The following PYHIN1 variants were observed in gnomAD, a reference collection of about 807,000 sequenced individuals.
The protein encoded by PYHIN1 is pyrin and HIN domain-containing protein 1.
Under a neutral mutation model 43.7 loss-of-function variants are expected in PYHIN1, and 32 were observed. The observed-to-expected ratio is 0.73, with a 90% CI of 0.55 to 0.98. The LOEUF (loss-of-function observed/expected upper bound fraction) is 0.98, where lower values mean the gene tolerates loss of function less well. PYHIN1 is among the 50% of genes least tolerant of loss of function. PYHIN1 has a pLI of 0.00. For synonymous variants in PYHIN1, 205 were observed against 203.1 expected (o/e 1.01, Z -0.08); for missense variants, 588 against 589.5 (o/e 1.00, Z 0.03).
rs775137778 is a variant in PYHIN1, at chr1:158,939,232, C to G, written c.564C>G (p.Asn188Lys). 6.2e-7 allele frequency: 1 copy of G among 1,602,636 alleles called. No homozygotes were observed. The highest frequency in any genetic ancestry group is 1.1e-5 in the South Asian group (1 of 88,754). ...PPQTSSSAPP[N>K]TSSTESLKPL... is the part of the protein sequence containing the mutation. ...AGACCTCATCATCAGCTCCACCCAACACTTCCTCAACTGAGGTACACTCTT... is the reference window on the plus strand; with the variant it reads ...AGACCTCATCATCAGCTCCACCCAAGACTTCCTCAACTGAGGTACACTCTT... The change falls in exon 4 of 9, where the codon AAC becomes AAG. Residue 188 changes from asparagine (N) to lysine (K), a missense_variant. Asn to Lys is a moderately conservative substitution (Grantham distance 94). Coordinates refer to ENST00000368140, the MANE Select transcript of PYHIN1 (RefSeq NM_152501.5).
chr1:158,983,876 T>G, the PYHIN1 span, among the ~76,000 whole-genome samples: 3 of 152,118 alleles, frequency 2.0e-5, no homozygotes, highest in Non-Finnish European at 2.9e-5. Context: ...GCAGGTTGTA[T>G]GTTTTCAGGA....
At chr1:158,971,321 A>T (rs901385716) in intron 7 of PYHIN1, among the ~76,000 whole-genome samples, 1 of 151,984 alleles carries the variant, frequency 6.6e-6, no homozygotes, top group Non-Finnish European at 1.5e-5. Flanking sequence ...CTTAGTAAAG[A>T]GAGTGATTTG....
At chr1:158,965,768 C>T (rs934039593) in intron 7 of PYHIN1, among the ~76,000 whole-genome samples, 8 of 151,928 alleles carry the variant, frequency 5.3e-5, no homozygotes, top group African/African-American at 1.4e-4. Context: ...TAGCACTAAG[C>T]GCTCACATCA....
At position 158,933,485 on chromosome 1, in the gene PYHIN1, T is replaced by C. The variant is rs954633252; in HGVS notation, c.-21+1709T>C. ...TAGCATAGATAAGCTGGCTTTCTTC[T>C]AGTTTCTCCTTGCATGATAATTTAA... On this transcript the variant is annotated intron_variant, in intron 1 of 8. Coordinates refer to ENST00000368140, the MANE Select transcript of PYHIN1 (RefSeq NM_152501.5). The surrounding 1 kb of genome is among the most constrained non-coding windows in gnomAD (Gnocchi z 6.3). Among the ~76,000 whole-genome samples the C allele has an allele frequency of 3.3e-5, 5 of 152,070 alleles. No homozygotes were observed. Among genetic ancestry groups the C allele is most frequent in the Non-Finnish European group, 1.5e-5 (1 of 67,926 alleles).
Position 158,973,549 on chromosome 1 carries a change from G to A in PYHIN1, c.1360-98G>A, listed in dbSNP as rs149397426. On this transcript the variant is annotated intron_variant, in intron 7 of 8. Transcript: ENST00000368140. ...CACACACACACACATATACACACAT[G>A]TATTACATCCAACTTATATAGGAAA... The A allele has an allele frequency of 2.6e-3, 3,047 of 1,158,672 alleles. 51 individuals are homozygous for A. In the African/African-American group the frequency reaches 0.038, roughly 14 times the overall value. The allele number at this position is 1,158,672 out of a possible 1,614,324, so 71.8% of individuals were successfully genotyped here. A position where few individuals can be genotyped will look rare whatever the true frequency, so the allele number is the denominator to read the frequency against.
chr1:158,935,862 C>G (rs1165626978), intron 1 of PYHIN1, among the ~76,000 whole-genome samples: 1 of 152,114 alleles, frequency 6.6e-6, no homozygotes, highest in Admixed American at 6.5e-5. Flanking sequence ...CACTCCACAG[C>G]CCATACTCTA....
At chr1:158,981,482 GAAAT>G (rs1331914152), downstream of PYHIN1, among the ~76,000 whole-genome samples, 3 of 152,106 alleles carry the variant, frequency 2.0e-5, no homozygotes, top group African/African-American at 4.8e-5. Context: ...AAAAGATAAA[GAAAT>G]AAATAAACAA....
chr1:158,941,579 A>T (rs1054716226), intron 4 of PYHIN1, among the ~76,000 whole-genome samples: 5 of 152,106 alleles, frequency 3.3e-5, no homozygotes. Context: ...ACCCTTTACC[A>T]TTTTCAGCGC....
chr1:158,974,061 C>T (rs1283740914), intron 8 of PYHIN1, among the ~76,000 whole-genome samples: 2 of 152,032 alleles, frequency 1.3e-5, no homozygotes, highest in Non-Finnish European at 2.9e-5. Flanking sequence ...GAGATGAATA[C>T]AACAGTATGT....
intron 7 of PYHIN1, among the ~76,000 whole-genome samples, chr1:158,968,706 G>T (rs1557843486): frequency 6.6e-6 from 1 of 151,904 alleles, no homozygotes; most frequent in Non-Finnish European, 1.5e-5. Context: ...AATGTCCATT[G>T]ACGTTAGACT....
At chr1:158,975,070 T>C (rs1304007069) in intron 8 of PYHIN1, among the ~76,000 whole-genome samples, 1 of 151,984 alleles carries the variant, frequency 6.6e-6, no homozygotes, top group Non-Finnish European at 1.5e-5. Context: ...GAATCTCAGC[T>C]AGGGTCCTAT....
chr1:158,955,780 C>G (rs1435517740), intron 7 of PYHIN1, among the ~76,000 whole-genome samples: 2 of 88,248 alleles, frequency 2.3e-5, no homozygotes, highest in Non-Finnish European at 4.9e-5. Flanking sequence ...AATAGAGACA[C>G]AAAAAACCCT....
chr1:158,954,680 G>T (rs1469353748), intron 7 of PYHIN1, among the ~76,000 whole-genome samples: 1 of 148,250 alleles, frequency 6.7e-6, no homozygotes, highest in Non-Finnish European at 1.5e-5. Context: ...AGACTAGGAA[G>T]AAACTGCATC....
At chr1:158,962,873 C>G (rs147969880) in intron 7 of PYHIN1, among the ~76,000 whole-genome samples, 78 of 152,318 alleles carry the variant, frequency 5.1e-4, no homozygotes, top group Admixed American at 1.2e-3. Flanking sequence ...CCAGAGGCAA[C>G]TGACAGCCCC....
chr1:158,975,585 G>A (rs1772443), intron 8 of PYHIN1, among the ~76,000 whole-genome samples: 110,591 of 151,946 alleles, frequency 0.73, 42,781 homozygotes, highest in Non-Finnish European at 0.85. Flanking sequence ...GGTAAAGCTG[G>A]AAGTGAAAGT....
intron 4 of PYHIN1, among the ~76,000 whole-genome samples, chr1:158,940,793 C>A (rs1385561110): frequency 1.3e-5 from 2 of 152,154 alleles, no homozygotes; most frequent in Non-Finnish European, 2.9e-5. Flanking sequence ...ATTAACTTTA[C>A]GTGAAATTCC....
intron 7 of PYHIN1, among the ~76,000 whole-genome samples, chr1:158,972,207 C>G (rs1571785581): frequency 6.6e-6 from 1 of 152,098 alleles, no homozygotes; most frequent in Non-Finnish European, 1.5e-5. Context: ...ACCTCCAACT[C>G]TGAACCATCC....
At chr1:158,955,539 GT>G (rs1370098940) in intron 7 of PYHIN1, among the ~76,000 whole-genome samples, 2 of 151,564 alleles carry the variant, frequency 1.3e-5, no homozygotes, top group East Asian at 3.9e-4. Context: ...AAATAAAGAT[GT>G]TCTTTGAAAC....
intron 7 of PYHIN1, among the ~76,000 whole-genome samples, chr1:158,953,104 G>T (rs749043817): frequency 6.6e-6 from 1 of 152,192 alleles, no homozygotes; most frequent in Admixed American, 6.5e-5. Flanking sequence ...AGGGTCCTAC[G>T]CCCACGGGTC....
Sources: gnomAD v4.1 joint callset for allele counts (sites outside exome capture counted in the v4.1 genomes callset) on GRCh38, gnomAD v4.1.1 for gene constraint, Gnocchi (gnomAD v3.1) non-coding constraint, MANE v1.5 for transcripts, NCBI Gene and HGNC (gene_info 2026-07-23, HGNC 2026-07-21) for gene names.